Variants in RLF observed in about 807,000 individuals in gnomAD.
RLF encodes the protein zinc finger protein Rlf.
Under a neutral mutation model 162.9 loss-of-function variants are expected in RLF, and 7 were observed. That is an observed-to-expected ratio of 0.04 (90% CI 0.02 to 0.08). The LOEUF (loss-of-function observed/expected upper bound fraction) is 0.08. Ranked by LOEUF, RLF falls within the 10% of genes least tolerant of loss-of-function variation. The pLI is 1.00. For missense variants in RLF, 1,664 were observed against 2,244.7 expected (o/e 0.74, Z 5.23); for synonymous variants, 782 against 791.5 (o/e 0.99, Z 0.20).
At chr1:40,234,602 T>C in intron 7 of RLF, among the ~76,000 whole-genome samples, 1 of 152,246 alleles carries the variant, frequency 6.6e-6, no homozygotes, top group East Asian at 1.9e-4. Context: ...GAAAATCTGT[T>C]ATTAACATTA....
intron 3 of RLF, among the ~76,000 whole-genome samples, chr1:40,194,902 T>C (rs1309149919): frequency 6.6e-6 from 1 of 151,790 alleles, no homozygotes; most frequent in African/African-American, 2.4e-5. Flanking sequence ...GGCACAATCA[T>C]GGCTCACTGC....
chr1:40,179,672 C>CTCCATCCA (rs145703000), intron 1 of RLF, among the ~76,000 whole-genome samples: 2 of 151,796 alleles, frequency 1.3e-5, no homozygotes, highest in African/African-American at 4.9e-5. Flanking sequence ...CAACCATTAC[C>CTCCATCCA]TCCATCCATC....
Position 40,189,171 on chromosome 1 carries a change from A to T in RLF, c.354A>T (p.Glu118Asp), listed in dbSNP as rs779956182. The T allele has an allele frequency of 6.2e-7, 1 of 1,613,990 alleles. No homozygotes were observed. Among genetic ancestry groups the T allele is most frequent in the Non-Finnish European group, 8.5e-7 (1 of 1,179,924 alleles). ...FASARPYLTT[E>D]CEDVLLVLGR... Reference sequence around the variant, plus strand: ...GTGCACGTCCATACTTAACTACTGAATGTGAAGATGTCCTCTTAGTGCTTG... The same window carrying T: ...GTGCACGTCCATACTTAACTACTGATTGTGAAGATGTCCTCTTAGTGCTTG... Residue 118 changes from glutamate (E) to aspartate (D), a missense_variant, in exon 2 of 8, where the codon GAA becomes GAT. Transcript: ENST00000372771.
intron 1 of RLF, among the ~76,000 whole-genome samples, chr1:40,181,261 C>T (rs1642401499): frequency 6.6e-6 from 1 of 152,210 alleles, no homozygotes; most frequent in South Asian, 2.1e-4. Flanking sequence ...GAAACCCCAT[C>T]TCTACTAAAA....
chr1:40,212,987 TCCA>T (rs1045091240), intron 5 of RLF, among the ~76,000 whole-genome samples: 42 of 152,324 alleles, frequency 2.8e-4, no homozygotes, highest in African/African-American at 1.0e-3. Flanking sequence ...ATATGCCACC[TCCA>T]CCACCTTCTT....
Position 40,178,479 on chromosome 1 carries a change from C to T in RLF, c.238-10576C>T, listed in dbSNP as rs374768301. ...GACAGGAGTTCAGTGGGTAGACGTT[C>T]GAGTGGCAGCACAACAATGTAACAA... On this transcript the variant is annotated intron_variant, in intron 1 of 7. Coordinates refer to ENST00000372771, the MANE Select transcript of RLF (RefSeq NM_012421.4). Among the ~76,000 whole-genome samples, 24 of 152,070 alleles carry T rather than the reference C, an allele frequency of 1.6e-4. 2 individuals are homozygous for T. The highest frequency in any genetic ancestry group is 7.2e-4 in the Admixed American group (11 of 15,272).
intron 1 of RLF, among the ~76,000 whole-genome samples, chr1:40,166,523 TA>T (rs1245893620): frequency 6.6e-6 from 1 of 152,084 alleles, no homozygotes; most frequent in Non-Finnish European, 1.5e-5. Context: ...CAAAGGATTA[TA>T]AATCATGCTG....
At chr1:40,232,767 C>T (rs1348282822) in intron 7 of RLF, among the ~76,000 whole-genome samples, 1 of 152,140 alleles carries the variant, frequency 6.6e-6, no homozygotes, top group Non-Finnish European at 1.5e-5. Flanking sequence ...TGCAGTGGTG[C>T]GATCATAGCT....
At chr1:40,180,257 A>T (rs1312597142) in intron 1 of RLF, among the ~76,000 whole-genome samples, 1 of 151,642 alleles carries the variant, frequency 6.6e-6, no homozygotes, top group Admixed American at 6.6e-5. Context: ...TCTGTTCTTT[A>T]CTTTTCTTTT....
At chr1:40,194,852 G>T (rs891678100) in intron 3 of RLF, among the ~76,000 whole-genome samples, 5 of 146,522 alleles carry the variant, frequency 3.4e-5, no homozygotes, top group African/African-American at 1.0e-4. Flanking sequence ...ATTTATTTAT[G>T]AGACGGAGTC....
At position 40,202,498 on chromosome 1, in the gene RLF, A is replaced by G. The variant is rs776618617; in HGVS notation, c.694A>G (p.Thr232Ala). Residue 232 changes from threonine to alanine, a missense_variant, in exon 5 of 8, where the codon ACT (threonine) becomes GCT (alanine). Physicochemically the swap from Thr to Ala is moderately conservative, Grantham distance 58. Transcript: ENST00000372771. ...GAAATCTAACTGCATCCCCCAGGCTACTGCTTTATCAAAACTATGTGCAGA... is the reference window on the plus strand; with the variant it reads ...GAAATCTAACTGCATCCCCCAGGCTGCTGCTTTATCAAAACTATGTGCAGA... ...LLKSNCIPQA[T>A]ALSKLCAESK... The G allele has an allele frequency of 1.9e-6, 3 of 1,583,190 alleles. No homozygotes were observed. The East Asian group carries it at 6.9e-5, about 36-fold the overall frequency.
chr1:40,195,787 A>C (rs1642627592), intron 4 of RLF, 23 bp downstream of exon 4: 1 of 1,598,434 alleles, frequency 6.3e-7, no homozygotes, highest in Admixed American at 1.7e-5. Context: ...ACTATATTGG[A>C]TGAGGATTTA....
chr1:40,183,753 A>G (rs1264502714), intron 1 of RLF, among the ~76,000 whole-genome samples: 2 of 152,110 alleles, frequency 1.3e-5, no homozygotes, highest in Non-Finnish European at 2.9e-5. Context: ...AAAAAAAAAA[A>G]AATTCCCAAA....
At chr1:40,221,917 A>AAAAAAAAAAAAAAGAG (rs1486982312) in intron 5 of RLF, among the ~76,000 whole-genome samples, 1 of 150,284 alleles carries the variant, frequency 6.7e-6, no homozygotes, top group African/African-American at 2.5e-5. Flanking sequence ...AAAAAAAAAA[A>AAAAAAAAAAAAAAGAG]AGAGAAAGGA....
At chr1:40,212,760 A>G (rs959008358) in intron 5 of RLF, among the ~76,000 whole-genome samples, 21 of 152,140 alleles carry the variant, frequency 1.4e-4, no homozygotes, top group African/African-American at 4.6e-4. Flanking sequence ...ACAGGATCCA[A>G]TTTACTTACC....
intron 4 of RLF, 59 bp downstream of exon 4, chr1:40,195,823 T>C (rs1186594462): frequency 1.3e-6 from 2 of 1,520,526 alleles, no homozygotes; most frequent in Non-Finnish European, 1.8e-6. Flanking sequence ...GAATTGATTA[T>C]GGGTTAAAAT....
At chr1:40,184,743 A>G (rs1378710158) in intron 1 of RLF, among the ~76,000 whole-genome samples, 1 of 152,214 alleles carries the variant, frequency 6.6e-6, no homozygotes, top group Non-Finnish European at 1.5e-5. Context: ...AGTATATATC[A>G]TAGCCTTTCA....
chr1:40,162,103 A>G (rs1400494748), intron 1 of RLF, among the ~76,000 whole-genome samples: 2 of 151,836 alleles, frequency 1.3e-5, no homozygotes, highest in Non-Finnish European at 2.9e-5. Flanking sequence ...TGGGCTCCTA[A>G]AAGGTATGAC....
intron 6 of RLF, 163 bp from the exon 7 acceptor site, chr1:40,231,354 T>G (rs776986587): frequency 5.1e-5 from 28 of 548,154 alleles, no homozygotes; most frequent in Non-Finnish European, 9.0e-5. Flanking sequence ...CTTAACAATT[T>G]TATCAGTTTG....
Sources: gnomAD v4.1 joint callset for allele counts (sites outside exome capture counted in the v4.1 genomes callset) on GRCh38, gnomAD v4.1.1 for gene constraint, MANE v1.5 for transcripts, NCBI Gene and HGNC (gene_info 2026-07-23, HGNC 2026-07-21) for gene names.